ZNF236: variants seen among roughly 807,000 people sequenced by gnomAD.
ZNF236 encodes the protein regulated by glucose.
Under a neutral mutation model 191.2 loss-of-function variants are expected in ZNF236, and 50 were observed. The ratio of observed to expected loss-of-function variants is 0.26; its 90% confidence interval spans 0.21 to 0.33. ZNF236 has a LOEUF of 0.33. Among genes scored for constraint, ZNF236 ranks in the 10% least tolerant of loss-of-function variants. The probability of loss-of-function intolerance (pLI) is 1.00; values close to 1 mark genes in which losing one functional copy is unlikely to be tolerated. For synonymous variants in ZNF236, 907 were observed against 928.8 expected (o/e 0.98, Z 0.43); for missense variants, 1,754 against 2,374.5 (o/e 0.74, Z 5.43).
At chr18:76,823,712 A>G (rs986585374) in intron 1 of ZNF236, among the ~76,000 whole-genome samples, 1 of 152,252 alleles carries the variant, frequency 6.6e-6, no homozygotes, top group African/African-American at 2.4e-5. Context: ...TCCAGCAGTC[A>G]GGAATTGACT....
intron 26 of ZNF236, among the ~76,000 whole-genome samples, chr18:76,937,709 T>C (rs890518829): frequency 1.3e-5 from 2 of 152,180 alleles, no homozygotes; most frequent in Non-Finnish European, 2.9e-5. Context: ...ATGAGCTTTA[T>C]TGAAGGGCAT....
In ZNF236 at chr18:76,927,083, C is replaced by A; in HGVS notation, c.4074C>A (p.Thr1358=). The change falls in exon 23 of 31, where the codon ACC becomes ACA. Residue 1358 remains threonine, a synonymous_variant. Transcript: ENST00000320610. This position sits in a 1 kb window ranked among gnomAD's most constrained non-coding sequence, Gnocchi z 5.4. Reference sequence around the variant, plus strand: ...CTCTGACAGATGGGAGCCTGGCTACCCTAGAAGGCATCCAGTTACAGTTGG... The same window carrying A: ...CTCTGACAGATGGGAGCCTGGCTACACTAGAAGGCATCCAGTTACAGTTGG... ...TVSLTDGSLA[T]LEGIQLQLAA... 6.2e-7 allele frequency: 1 copy of A among 1,613,792 alleles called. No individual in the cohort carries two copies. Among genetic ancestry groups the A allele is most frequent in the Non-Finnish European group, 8.5e-7 (1 of 1,179,946 alleles).
At chr18:76,832,760 A>T (rs899816148) in intron 1 of ZNF236, among the ~76,000 whole-genome samples, 1 of 152,136 alleles carries the variant, frequency 6.6e-6, no homozygotes, top group Non-Finnish European at 1.5e-5. Context: ...AAGTTTTCCT[A>T]AAAAAACTTG....
chr18:76,960,530 T>C lies in ZNF236; in HGVS notation c.5243-149T>C. ...AGGCTCCCTCTGGTCTCCCTATGGC[T>C]CCTCCAGCCCTTTGTTCAGATGACA... On this transcript the variant is annotated intron_variant, in intron 29 of 30. Transcript: ENST00000320610. This position sits in a 1 kb window ranked among gnomAD's most constrained non-coding sequence, Gnocchi z 4.4. The C allele has an allele frequency of 9.8e-7, 1 of 1,024,920 alleles. No homozygotes were observed. The highest frequency in any genetic ancestry group is 1.6e-5 in the African/African-American group (1 of 62,390). The allele number at this position is 1,024,920 out of a possible 1,614,324, so 63.5% of individuals were successfully genotyped here.
Position 76,905,376 on chromosome 18 carries a change from A to T in ZNF236, c.2258A>T (p.Lys753Met). The T allele has an allele frequency of 1.2e-6, 2 of 1,614,224 alleles. No homozygotes were observed. Among genetic ancestry groups the T allele is most frequent in the Non-Finnish European group, 1.7e-6 (2 of 1,180,020 alleles). ...YMCPYCQKTF[K>M]TSLNCKKHMK... Reference sequence around the variant, plus strand: ...TGTCCCTATTGCCAAAAAACATTTAAGACTTCACTAAATTGCAAAAAGCAC... The same window carrying T: ...TGTCCCTATTGCCAAAAAACATTTATGACTTCACTAAATTGCAAAAAGCAC... Residue 753 changes from lysine to methionine, a missense_variant, in exon 13 of 31, where the codon AAG becomes ATG. Lys to Met is a moderately conservative substitution (Grantham distance 95). This residue lies in a region of ZNF236 where 641 missense variants were observed against 869.6 expected (regional missense o/e 0.74). Transcript: ENST00000320610.
At chr18:76,956,322 A>G (rs1201929891) in intron 28 of ZNF236, 140 bp downstream of exon 28, 16 of 961,590 alleles carry the variant, frequency 1.7e-5, no homozygotes, top group Non-Finnish European at 2.5e-5. Context: ...CACTAGATGT[A>G]GATGTATTGT....
intron 3 of ZNF236, among the ~76,000 whole-genome samples, chr18:76,863,483 C>T (rs1356110150): frequency 3.3e-5 from 5 of 152,112 alleles, no homozygotes; most frequent in Admixed American, 3.3e-4. Flanking sequence ...AACACTGATT[C>T]AGGTGACAGC....
At chr18:76,840,486 CTCTG>C in intron 1 of ZNF236, among the ~76,000 whole-genome samples, 1 of 150,886 alleles carries the variant, frequency 6.6e-6, no homozygotes, top group South Asian at 2.1e-4. Flanking sequence ...AAGAGTGAAA[CTCTG>C]TCTCAAAAAA....
At position 76,956,185 on chromosome 18, in the gene ZNF236, AGGCCCACTGTGCCAG is replaced by A. The variant is rs1163547741; in HGVS notation, c.5112+7_5112+21del. 5.2e-6 allele frequency: 8 copies of A among 1,545,532 alleles called. No individual in the cohort carries two copies. In the African/African-American group the frequency reaches 9.6e-5, roughly 18 times the overall value. On this transcript the variant is annotated splice_donor_5th_base_variant and intron_variant, in intron 28 of 30. Coordinates refer to ENST00000320610, the MANE Select transcript of ZNF236 (RefSeq NM_001306089.2). ...TCAAGCGCGCCACGCACCTCAAGGT[AGGCCCACTGTGCCAG>A]GGCACAGCTGTGTGCCCCCCAGGCG...
chr18:76,926,565 G>A (rs1054075111), intron 22 of ZNF236, among the ~76,000 whole-genome samples: 4 of 151,896 alleles, frequency 2.6e-5, no homozygotes, highest in African/African-American at 7.3e-5. Flanking sequence ...ATGGTATAAA[G>A]GGTGATTAGA....
intron 25 of ZNF236, among the ~76,000 whole-genome samples, chr18:76,931,435 C>T (rs1024226031): frequency 3.3e-5 from 5 of 152,138 alleles, no homozygotes; most frequent in Non-Finnish European, 2.9e-5. Flanking sequence ...ACCAACCAAT[C>T]GATGATGTTA....
At chr18:76,864,099 A>T (rs1479343917) in intron 3 of ZNF236, among the ~76,000 whole-genome samples, 1 of 151,966 alleles carries the variant, frequency 6.6e-6, no homozygotes, top group African/African-American at 2.4e-5. Flanking sequence ...TGTCACTTAC[A>T]TTATCAGCTC....
chr18:76,847,384 T>G (rs1470299182), intron 1 of ZNF236, among the ~76,000 whole-genome samples: 1 of 152,204 alleles, frequency 6.6e-6, no homozygotes, highest in Non-Finnish European at 1.5e-5. Context: ...CGAAGCTGTT[T>G]CTTACCATAC....
intron 11 of ZNF236, among the ~76,000 whole-genome samples, chr18:76,902,000 T>TTTGAATC (rs1207364080): frequency 1.3e-5 from 2 of 152,160 alleles, no homozygotes; most frequent in Non-Finnish European, 2.9e-5. Flanking sequence ...ACTTCAAGTT[T>TTTGAATC]TTGAATCTTC....
chr18:76,854,514 G>C (rs1192190329), intron 3 of ZNF236, among the ~76,000 whole-genome samples: 1 of 150,334 alleles, frequency 6.7e-6, no homozygotes, highest in Non-Finnish European at 1.5e-5. Context: ...TGTAATCCGA[G>C]CACTTTGGGA....
intron 25 of ZNF236, among the ~76,000 whole-genome samples, chr18:76,929,331 C>T (rs1967789729): frequency 6.6e-6 from 1 of 152,060 alleles, no homozygotes; most frequent in South Asian, 2.1e-4. Context: ...CAGTAACCTT[C>T]CTCCTTTTAA....
chr18:76,924,146 G>A (rs535524170), intron 21 of ZNF236, among the ~76,000 whole-genome samples: 2 of 152,268 alleles, frequency 1.3e-5, no homozygotes, highest in South Asian at 4.1e-4. Flanking sequence ...CAGTTTTTCT[G>A]TTGTTTCATT....
intron 1 of ZNF236, among the ~76,000 whole-genome samples, chr18:76,843,077 G>C (rs1273604994): frequency 6.6e-6 from 1 of 152,136 alleles, no homozygotes; most frequent in Non-Finnish European, 1.5e-5. Flanking sequence ...ACTTATTTCA[G>C]CTGGCTCCTG....
At chr18:76,931,850 A>T (rs1162428216) in intron 25 of ZNF236, among the ~76,000 whole-genome samples, 2 of 152,216 alleles carry the variant, frequency 1.3e-5, no homozygotes, top group Non-Finnish European at 2.9e-5. Flanking sequence ...TTCACTTCTT[A>T]GCCTTGTTAT....
Sources: allele counts gnomAD v4.1 joint callset (sites outside exome capture counted in the v4.1 genomes callset), GRCh38; gene constraint gnomAD v4.1.1; regional missense constraint gnomAD v4.1.1; non-coding constraint Gnocchi (gnomAD v3.1); transcripts MANE v1.5; gene names NCBI Gene and HGNC (gene_info 2026-07-23, HGNC 2026-07-21).